ANKRD62: variants seen among roughly 807,000 people sequenced by gnomAD.
ANKRD62 encodes ankyrin repeat domain 62, also known as ankyrin repeat domain-containing protein 62.
Under a neutral mutation model 98.8 loss-of-function variants are expected in ANKRD62, and 61 were observed. That is an observed-to-expected ratio of 0.62 (90% confidence interval 0.50 to 0.76). ANKRD62 has a LOEUF of 0.76. ANKRD62 is among the 30% of genes least tolerant of loss of function. The pLI, the probability that ANKRD62 is intolerant of heterozygous loss-of-function variation, is 0.00. For synonymous variants in ANKRD62, 341 were observed against 367.9 expected (o/e 0.93, Z 0.84); for missense variants, 933 against 1,082.9 (o/e 0.86, Z 1.94).
the ANKRD62 span, among the ~76,000 whole-genome samples, chr18:12,145,699 G>C: frequency 1.3e-5 from 2 of 152,236 alleles, no homozygotes; most frequent in Non-Finnish European, 2.9e-5. Context: ...CCCAGAGGGA[G>C]AGGCGGGCCA....
chr18:12,146,436 C>CT, the ANKRD62 span, among the ~76,000 whole-genome samples: 1 of 152,094 alleles, frequency 6.6e-6, no homozygotes, highest in Admixed American at 6.6e-5. Flanking sequence ...TGGGGCCAGA[C>CT]TTTTTTGGGG....
At chr18:12,160,592 G>A in the ANKRD62 span, among the ~76,000 whole-genome samples, 2 of 152,082 alleles carry the variant, frequency 1.3e-5, no homozygotes, top group Non-Finnish European at 2.9e-5. Context: ...CCTTTCAGCT[G>A]GGGCTTGTAT....
At chr18:12,130,180 C>T (rs1367049898), downstream of ANKRD62, among the ~76,000 whole-genome samples, 1 of 148,554 alleles carries the variant, frequency 6.7e-6, no homozygotes, top group Admixed American at 6.7e-5. Context: ...TTTAATTTTA[C>T]ACATCACCCA....
At chr18:12,164,591 T>G in the ANKRD62 span, among the ~76,000 whole-genome samples, 1 of 151,968 alleles carries the variant, frequency 6.6e-6, no homozygotes, top group South Asian at 2.1e-4. Context: ...TTATTTGAAG[T>G]TTTTCTTCTT....
the ANKRD62 span, among the ~76,000 whole-genome samples, chr18:12,180,866 C>T: frequency 5.3e-3 from 777 of 147,736 alleles, 4 homozygotes; most frequent in Middle Eastern, 0.031. Flanking sequence ...CATATATATA[C>T]ATGTGCCATG....
intron 11 of ANKRD62, 100 bp from the exon 12 acceptor site, chr18:12,124,037 G>C (rs1909836176): frequency 1.7e-6 from 1 of 579,098 alleles, no homozygotes; most frequent in Non-Finnish European, 2.8e-6. Flanking sequence ...AAACTAGAAA[G>C]AAAAAATATT....
chr18:12,141,159 T>G, the ANKRD62 span, among the ~76,000 whole-genome samples: 5,532 of 152,346 alleles, frequency 0.036, 339 homozygotes, highest in African/African-American at 0.13. Flanking sequence ...GAGCCATGTG[T>G]GGGATATAAT....
chr18:12,096,580 A>ATCCTTT (rs1568057409), intron 4 of ANKRD62, among the ~76,000 whole-genome samples: 4 of 152,218 alleles, frequency 2.6e-5, no homozygotes, highest in African/African-American at 9.6e-5. Flanking sequence ...AAGGGATGTC[A>ATCCTTT]TATTGGTTTT....
At chr18:12,100,403 G>A (rs1909275044) in intron 6 of ANKRD62, among the ~76,000 whole-genome samples, 1 of 152,144 alleles carries the variant, frequency 6.6e-6, no homozygotes, top group South Asian at 2.1e-4. Flanking sequence ...GGAGTAGGAG[G>A]TAGAGGGAGA....
At chr18:12,135,331 C>T in the ANKRD62 span, among the ~76,000 whole-genome samples, 7 of 150,254 alleles carry the variant, frequency 4.7e-5, no homozygotes, top group East Asian at 3.9e-4. Context: ...CTGAGAATGA[C>T]GGTTTCCAGC....
chr18:12,171,319 G>T, the ANKRD62 span, among the ~76,000 whole-genome samples: 1 of 152,184 alleles, frequency 6.6e-6, no homozygotes, highest in African/African-American at 2.4e-5. Flanking sequence ...AGGAGCTCTT[G>T]TAAGGCAGGC....
chr18:12,126,508 A>C, intron 13 of ANKRD62, 125 bp downstream of exon 13: 2 of 990,772 alleles, frequency 2.0e-6, no homozygotes, highest in South Asian at 3.8e-5. Flanking sequence ...CGGTTCTGCT[A>C]TATCACCTTA....
At chr18:12,168,154 C>CA in the ANKRD62 span, among the ~76,000 whole-genome samples, 1 of 152,124 alleles carries the variant, frequency 6.6e-6, no homozygotes, top group South Asian at 2.1e-4. Flanking sequence ...TCCCATTTGT[C>CA]AATTTTGGCT....
chr18:12,137,218 T>C, the ANKRD62 span, among the ~76,000 whole-genome samples: 2 of 152,200 alleles, frequency 1.3e-5, no homozygotes, highest in Admixed American at 6.6e-5. Context: ...TTGAGATATG[T>C]CCCATCAATA....
chr18:12,159,122 C>T, the ANKRD62 span, among the ~76,000 whole-genome samples: 3 of 151,954 alleles, frequency 2.0e-5, no homozygotes, highest in Non-Finnish European at 2.9e-5. Flanking sequence ...AATAAATGAC[C>T]AGGAAAACGT....
At chr18:12,115,358 G>A (rs1056895814) in intron 9 of ANKRD62, 35 bp from the exon 10 acceptor site, 8 of 1,501,828 alleles carry the variant, frequency 5.3e-6, no homozygotes, top group South Asian at 2.5e-5. Flanking sequence ...TAAATATTTC[G>A]AGGGCATTTT....
chr18:12,117,628 G>A (rs568218211), intron 10 of ANKRD62, among the ~76,000 whole-genome samples: 2 of 152,256 alleles, frequency 1.3e-5, no homozygotes, highest in South Asian at 4.1e-4. Context: ...TGCTGAGGAA[G>A]GTCCCTGGAT....
the ANKRD62 span, among the ~76,000 whole-genome samples, chr18:12,174,263 A>G: frequency 3.9e-5 from 6 of 152,090 alleles, no homozygotes; most frequent in African/African-American, 1.4e-4. Context: ...AAGCTATGAG[A>G]TACTTTCCTC....
intron 13 of ANKRD62, 34 bp from the exon 14 acceptor site, chr18:12,127,714 T>C (rs545174684): frequency 2.9e-5 from 39 of 1,340,156 alleles, no homozygotes; most frequent in Non-Finnish European, 3.2e-5. Context: ...ATAAGTGATA[T>C]GTAAAATCAG....
Sources: allele counts gnomAD v4.1 joint callset (sites outside exome capture counted in the v4.1 genomes callset), GRCh38; gene constraint gnomAD v4.1.1; transcripts MANE v1.5; gene names NCBI Gene and HGNC (gene_info 2026-07-23, HGNC 2026-07-21).